Variants in IRAG1 observed in about 807,000 individuals in gnomAD.
IRAG1 encodes the protein inositol 1,4,5-triphosphate receptor associated 1, also known as IP3R-associated cGMP kinase substrate.
Under a neutral mutation model 106.2 loss-of-function variants are expected in IRAG1, and 62 were observed. The observed-to-expected ratio is 0.58, with a 90% CI of 0.48 to 0.72. The LOEUF is 0.72. Ranked by LOEUF, IRAG1 falls within the 30% of genes least tolerant of loss-of-function variation. The pLI, the probability that IRAG1 is intolerant of heterozygous loss-of-function variation, is 0.00. For missense variants in IRAG1, 1,064 were observed against 1,140.7 expected, an observed-to-expected ratio of 0.93 and a Z score of 0.97; for synonymous variants, 462 against 443.9, an observed-to-expected ratio of 1.04 and a Z score of -0.51.
intron 1 of IRAG1, among the ~76,000 whole-genome samples, chr11:10,652,622 C>A (rs532212488): frequency 1.2e-4 from 18 of 152,208 alleles, no homozygotes; most frequent in Non-Finnish European, 2.5e-4. Flanking sequence ...TCCCATTTTA[C>A]AGATGAGAGA....
chr11:10,633,075 C>G (rs1033605234), intron 3 of IRAG1, among the ~76,000 whole-genome samples: 3 of 124,854 alleles, frequency 2.4e-5, no homozygotes, highest in Non-Finnish European at 4.9e-5. Flanking sequence ...TTCTTTCTTT[C>G]TTTTTTTTTT....
intron 1 of IRAG1, among the ~76,000 whole-genome samples, chr11:10,678,995 C>T (rs1359853037): frequency 6.6e-6 from 1 of 152,176 alleles, no homozygotes; most frequent in Non-Finnish European, 1.5e-5. Flanking sequence ...CTTCCCCTTC[C>T]CTTTCTCAGG....
chr11:10,678,003 C>CTCTGTCTA (rs1478772925), intron 1 of IRAG1, among the ~76,000 whole-genome samples: 14 of 139,128 alleles, frequency 1.0e-4, no homozygotes, highest in African/African-American at 3.6e-4. Context: ...TTATCTATCT[C>CTCTGTCTA]TCTATCTGTC....
In IRAG1 at chr11:10,609,690, C is replaced by CGA. The variant is rs200216549; in HGVS notation, c.1571+37_1571+38insTC. 17,226 of 1,601,786 alleles carry CGA rather than the reference C, an allele frequency of 0.011. 1,541 individuals carry two copies. The African/African-American group carries it at 0.2, about 18-fold the overall frequency. On this transcript the variant is annotated intron_variant, in intron 11 of 20. Coordinates refer to ENST00000423302, the MANE Select transcript of IRAG1 (RefSeq NM_130385.4). ...CCTAGAATCCAACACAGGGGCCACT[C>CGA]GGTACAGGGCCTTCTGTAACCCACA...
intron 15 of IRAG1, among the ~76,000 whole-genome samples, chr11:10,596,242 A>G (rs1853293836): frequency 6.6e-6 from 1 of 152,206 alleles, no homozygotes. Context: ...TATGAGAGGT[A>G]AACTTTCTCA....
chr11:10,619,716 ACT>A (rs1855691867), intron 10 of IRAG1, among the ~76,000 whole-genome samples: 1 of 152,340 alleles, frequency 6.6e-6, no homozygotes, highest in Admixed American at 6.5e-5. Context: ...TGAAGTAGGT[ACT>A]GTTATTAACC....
chr11:10,591,530 G>A lies in IRAG1; in HGVS notation c.2240+18C>T. 2 of 1,580,360 alleles carry A rather than the reference G, an allele frequency of 1.3e-6. No homozygotes were observed. Among genetic ancestry groups the A allele is most frequent in the Non-Finnish European group, 1.7e-6 (2 of 1,162,542 alleles). On this transcript the variant is annotated intron_variant, in intron 18 of 20. Coordinates refer to ENST00000423302, the MANE Select transcript of IRAG1 (RefSeq NM_130385.4). ...CCTGAGAGATCCCTGAAGCCAAGAG[G>A]AAAATCGACAAACTTACTTTTCCAA... is the stretch of plus-strand genomic sequence containing the variant.
chr11:10,592,756 G>T (rs940854050), intron 17 of IRAG1, among the ~76,000 whole-genome samples: 3 of 152,066 alleles, frequency 2.0e-5, no homozygotes, highest in South Asian at 2.1e-4. Context: ...ATATAAAAAG[G>T]CATCAGGAAG....
intron 1 of IRAG1, among the ~76,000 whole-genome samples, chr11:10,655,724 T>C (rs573432167): frequency 3.9e-5 from 6 of 152,216 alleles, no homozygotes; most frequent in African/African-American, 1.2e-4. Flanking sequence ...GATTATGGTC[T>C]GAAGTCTCAT....
At chr11:10,688,447 C>T (rs1861824009) in intron 1 of IRAG1, among the ~76,000 whole-genome samples, 1 of 152,164 alleles carries the variant, frequency 6.6e-6, no homozygotes, top group African/African-American at 2.4e-5. Flanking sequence ...AGCCAGGAAG[C>T]TTGGGCTCTC....
chr11:10,690,283 G>T (rs1046767739), intron 1 of IRAG1: 29 of 681,848 alleles, frequency 4.3e-5, no homozygotes, highest in Non-Finnish European at 6.0e-5. Flanking sequence ...CCAGCTACTT[G>T]GGAGGCTGAG....
rs184698303 is a variant in IRAG1 at position 10,648,231 on chromosome 11, G to A, written c.225+3794C>T. 3.9e-5 allele frequency among the ~76,000 whole-genome samples: 6 copies of A among 152,290 alleles called. No homozygotes were observed. The South Asian group carries it at 8.3e-4, about 21-fold the overall frequency. ...ATACAAAAATTAGCCAGGCGTGGTG[G>A]TGCAGGCCTGTAGTCCCGGCTATTC... On this transcript the variant is annotated intron_variant, in intron 2 of 20. Transcript: ENST00000423302.
intron 1 of IRAG1, among the ~76,000 whole-genome samples, chr11:10,658,796 T>C (rs752735416): frequency 6.0e-5 from 9 of 150,644 alleles, no homozygotes; most frequent in African/African-American, 1.2e-4. Context: ...GTGTCTGTGC[T>C]GTGCTCAGTC....
chr11:10,664,291 C>G lies in IRAG1; in HGVS notation c.68-12109G>C, dbSNP rs1421708471. On this transcript the variant is annotated intron_variant, in intron 1 of 20. Transcript: ENST00000423302. ...GATGGAGCACCCCAGCTCAGGTCCC[C>G]GCCTCCTGTTCATCTCCACTCTGGG... 2.0e-5 allele frequency among the ~76,000 whole-genome samples: 3 copies of G among 152,280 alleles called. No individual in the cohort carries two copies. In the East Asian group the frequency reaches 5.8e-4, roughly 29 times the overall value.
intron 1 of IRAG1, among the ~76,000 whole-genome samples, chr11:10,677,482 A>G (rs1278245160): frequency 6.6e-6 from 1 of 152,090 alleles, no homozygotes; most frequent in Non-Finnish European, 1.5e-5. Context: ...ATTTGCTGAC[A>G]CAAGACCTTG....
intron 1 of IRAG1, among the ~76,000 whole-genome samples, chr11:10,669,918 T>C (rs1860087210): frequency 2.0e-5 from 3 of 152,074 alleles, no homozygotes; most frequent in African/African-American, 7.2e-5. Context: ...ATAAAAACAC[T>C]CAGAGGCCAA....
rs528676575 is a variant in IRAG1, at chr11:10,686,980, T to A, written c.67+6556A>T. On this transcript the variant is annotated intron_variant, in intron 1 of 20. Transcript: ENST00000423302. ...TCTGGAGTTGCCTAAATGAAACTTCTGTGAAAAAAGGAAAATTCATCGCCG... is the reference window on the plus strand; with the variant it reads ...TCTGGAGTTGCCTAAATGAAACTTCAGTGAAAAAAGGAAAATTCATCGCCG... Among the ~76,000 whole-genome samples the A allele has an allele frequency of 2.6e-5, 4 of 152,344 alleles. No individual in the cohort carries two copies. In the South Asian group the frequency reaches 8.3e-4, roughly 32 times the overall value.
Position 10,576,547 on chromosome 11 carries a change from G to C in IRAG1, c.2524C>G (p.Gln842Glu). ...SKLEELVHFL[Q>E]VMYPKLCQHW... The stretch of plus-strand genomic sequence containing the variant: ...TGACACAGTTTGGGATACATGACTT[G>C]TAAGAAATGGACCAATTCTTCAAGT... The change falls in exon 21 of 21, where the codon CAA becomes GAA. Residue 842 changes from glutamine (Q) to glutamate (E), a missense_variant. Coordinates refer to ENST00000423302, the MANE Select transcript of IRAG1 (RefSeq NM_130385.4). 1 of 1,613,994 alleles carries C rather than the reference G, an allele frequency of 6.2e-7. No individual in the cohort carries two copies. The highest frequency in any genetic ancestry group is 8.5e-7 in the Non-Finnish European group (1 of 1,179,882).
rs1228847214 is a variant in IRAG1 at position 10,628,680 on chromosome 11, G to C, written c.652+71C>G. On this transcript the variant is annotated intron_variant, in intron 6 of 20. Coordinates refer to ENST00000423302, the MANE Select transcript of IRAG1 (RefSeq NM_130385.4). The surrounding 1 kb of genome is among the most constrained non-coding windows in gnomAD (Gnocchi z 4.1). Reference sequence around the variant, plus strand: ...AAGCCTGCAGGCTGGGAGGCATGCTGATCTGTCCAGGCTGAGCTGCCACCC... The same window carrying C: ...AAGCCTGCAGGCTGGGAGGCATGCTCATCTGTCCAGGCTGAGCTGCCACCC... 2.3e-6 allele frequency: 3 copies of C among 1,278,234 alleles called. No homozygotes were observed. The African/African-American group carries it at 4.7e-5, about 20-fold the overall frequency. 79.2% of individuals were successfully genotyped at this position (1,278,234 alleles called of 1,614,324 possible).
Sources: gnomAD v4.1 joint callset for allele counts (sites outside exome capture counted in the v4.1 genomes callset) on GRCh38, gnomAD v4.1.1 for gene constraint, Gnocchi (gnomAD v3.1) non-coding constraint, MANE v1.5 for transcripts, NCBI Gene and HGNC (gene_info 2026-07-23, HGNC 2026-07-21) for gene names.